Variants in TDRD5 observed in about 807,000 individuals in gnomAD.
TDRD5 encodes the protein tudor domain containing 5, also known as tudor domain-containing protein 5.
A neutral mutation model predicts 120.6 loss-of-function variants in TDRD5; 41 were observed. That is an observed-to-expected ratio of 0.34 (90% CI 0.26 to 0.44). The LOEUF is 0.44. Ranked by LOEUF, TDRD5 falls within the 20% of genes least tolerant of loss-of-function variation. The pLI is 1.00. For synonymous variants in TDRD5, 430 were observed against 433.7 expected (o/e 0.99, Z 0.11); for missense variants, 1,006 against 1,221.2 (o/e 0.82, Z 2.63).
At chr1:179,643,336 A>C (rs981072022) in intron 11 of TDRD5, among the ~76,000 whole-genome samples, 13 of 152,302 alleles carry the variant, frequency 8.5e-5, no homozygotes, top group East Asian at 3.9e-4. Context: ...AGAAAAAAAA[A>C]CAGGAAAATG....
At chr1:179,654,475 A>G (rs1401114953) in intron 14 of TDRD5, 113 bp downstream of exon 14, 25 of 1,183,050 alleles carry the variant, frequency 2.1e-5, no homozygotes, top group Non-Finnish European at 2.8e-5. Context: ...TAGTATTACA[A>G]ATTCTTAGGC....
chr1:179,599,728 T>G (rs991385965), intron 4 of TDRD5, among the ~76,000 whole-genome samples: 5 of 152,124 alleles, frequency 3.3e-5, no homozygotes, highest in Admixed American at 3.3e-4. Context: ...TCACTAAAGA[T>G]TTATTCACTT....
intron 6 of TDRD5, among the ~76,000 whole-genome samples, chr1:179,626,017 G>A (rs568670784): frequency 6.6e-6 from 1 of 151,202 alleles, no homozygotes; most frequent in South Asian, 2.1e-4. Context: ...TGAACAATGA[G>A]AACACATGGA....
At chr1:179,635,101 T>C (rs1298891823) in intron 8 of TDRD5, among the ~76,000 whole-genome samples, 1 of 152,222 alleles carries the variant, frequency 6.6e-6, no homozygotes, top group African/African-American at 2.4e-5. Context: ...CATTGCTTGC[T>C]CTTTTTCCCT....
rs184370568 is a variant in TDRD5 at position 179,592,772 on chromosome 1, A to G, written c.157A>G (p.Thr53Ala). The G allele has an allele frequency of 8.1e-6, 13 of 1,614,152 alleles. No homozygotes were observed. Among genetic ancestry groups the G allele is most frequent in the East Asian group, 2.2e-5 (1 of 44,890 alleles). The change falls in exon 2 of 18, where the codon ACT becomes GCT. Residue 53 changes from threonine (T) to alanine (A), a missense_variant. Coordinates refer to ENST00000444136, the MANE Select transcript of TDRD5 (RefSeq NM_001199085.3). ...ACTCCGAATCCTTGGGTATCGGTCC[A>G]CTATGGAGCTGGTATTGGACATGCC... is the stretch of plus-strand genomic sequence containing the variant. ...LPLRILGYRS[T>A]MELVLDMPDV...
intron 12 of TDRD5, among the ~76,000 whole-genome samples, 169 bp from the exon 13 acceptor site, chr1:179,651,870 A>G (rs1173825091): frequency 6.6e-6 from 1 of 150,918 alleles, no homozygotes; most frequent in Non-Finnish European, 1.5e-5. Context: ...CCGAGATTGG[A>G]CCACTGCACT....
At chr1:179,643,382 A>G (rs1301319987) in intron 11 of TDRD5, among the ~76,000 whole-genome samples, 1 of 152,200 alleles carries the variant, frequency 6.6e-6, no homozygotes, top group Non-Finnish European at 1.5e-5. Context: ...GTTGGTAGAA[A>G]CTGACATTGA....
intron 17 of TDRD5, among the ~76,000 whole-genome samples, chr1:179,677,958 T>G (rs957022626): frequency 1.3e-5 from 2 of 152,108 alleles, no homozygotes; most frequent in East Asian, 3.9e-4. Context: ...GCCATAGAGC[T>G]CCCAAGAGAT....
intron 4 of TDRD5, among the ~76,000 whole-genome samples, chr1:179,612,122 T>C (rs938562148): frequency 6.6e-6 from 1 of 152,228 alleles, no homozygotes; most frequent in African/African-American, 2.4e-5. Context: ...TGTAAACTTT[T>C]TTCTTTTTGA....
chr1:179,633,915 T>TA (rs1677604221), intron 7 of TDRD5, among the ~76,000 whole-genome samples: 1 of 151,730 alleles, frequency 6.6e-6, no homozygotes, highest in Non-Finnish European at 1.5e-5. Context: ...CTCACACCTG[T>TA]AATCCCAGCA....
intron 1 of TDRD5, chr1:179,592,365 C>T (rs933011267): frequency 9.0e-6 from 4 of 442,514 alleles, no homozygotes; most frequent in Admixed American, 3.6e-5. Context: ...CCCCAGTTAA[C>T]GCCTCCGCAT....
intron 14 of TDRD5, among the ~76,000 whole-genome samples, chr1:179,656,560 A>G (rs529736910): frequency 2.0e-5 from 3 of 152,340 alleles, no homozygotes; most frequent in East Asian, 3.9e-4. Flanking sequence ...TGGATGTCCA[A>G]CTGATCCAGC....
chr1:179,619,177 A>G (rs1676714589), intron 5 of TDRD5, among the ~76,000 whole-genome samples: 2 of 152,172 alleles, frequency 1.3e-5, no homozygotes, highest in Admixed American at 1.3e-4. Context: ...TTGATTATAA[A>G]TATTACTAAA....
intron 9 of TDRD5, among the ~76,000 whole-genome samples, chr1:179,636,883 C>G (rs1677792320): frequency 6.6e-6 from 1 of 152,072 alleles, no homozygotes; most frequent in South Asian, 2.1e-4. Context: ...TGTCAAATAC[C>G]CAAGTCAGCT....
chr1:179,618,745 G>T, intron 5 of TDRD5, 63 bp downstream of exon 5: 1 of 1,233,516 alleles, frequency 8.1e-7, no homozygotes, highest in South Asian at 1.7e-5. Context: ...TATCATTTGT[G>T]GTTGAGTTTG....
At chr1:179,596,389 G>A (rs1000084488) in intron 4 of TDRD5, among the ~76,000 whole-genome samples, 2 of 152,076 alleles carry the variant, frequency 1.3e-5, no homozygotes, top group African/African-American at 4.8e-5. Flanking sequence ...TGCACAGTTC[G>A]AGTTTTGATT....
At chr1:179,659,535 A>C (rs1270373068) in intron 14 of TDRD5, among the ~76,000 whole-genome samples, 1 of 148,238 alleles carries the variant, frequency 6.7e-6, no homozygotes, top group Non-Finnish European at 1.5e-5. Context: ...ATATCAGTAT[A>C]GCCATTCCAG....
intron 4 of TDRD5, among the ~76,000 whole-genome samples, chr1:179,610,030 G>C (rs1310397701): frequency 6.6e-6 from 1 of 152,094 alleles, no homozygotes; most frequent in African/African-American, 2.4e-5. Context: ...CTGTAAGGTG[G>C]GCAGGGTGTA....
chr1:179,666,512 T>C lies in TDRD5; in HGVS notation c.2650-2682T>C, dbSNP rs538223221. ...TTTGAAAGTAATCTTGTGTTCCTTC[T>C]TGAAACATAATCTTCCTTTGGGTTT... On this transcript the variant is annotated intron_variant, in intron 16 of 17. Coordinates refer to ENST00000444136, the MANE Select transcript of TDRD5 (RefSeq NM_001199085.3). Among the ~76,000 whole-genome samples the C allele has an allele frequency of 7.2e-5, 11 of 152,338 alleles. No homozygotes were observed. The South Asian group carries it at 2.3e-3, about 32-fold the overall frequency.
Sources: allele counts gnomAD v4.1 joint callset (sites outside exome capture counted in the v4.1 genomes callset), GRCh38; gene constraint gnomAD v4.1.1; transcripts MANE v1.5; gene names NCBI Gene and HGNC (gene_info 2026-07-23, HGNC 2026-07-21).